The following JMJD1C variants were observed in gnomAD, a reference collection of about 807,000 sequenced individuals.
JMJD1C encodes jumonji domain containing 1C, also known as jumonji domain-containing protein 1C.
A neutral mutation model predicts 245.3 loss-of-function variants in JMJD1C; 31 were observed. The ratio of observed to expected loss-of-function variants is 0.13; its 90% CI spans 0.09 to 0.17. JMJD1C has a LOEUF of 0.17. Ranked by LOEUF, JMJD1C falls within the 10% of genes least tolerant of loss-of-function variation. The pLI, the probability that JMJD1C is intolerant of heterozygous loss-of-function variation, is 1.00. For synonymous variants in JMJD1C, 1,057 were observed against 1,017.4 expected (o/e 1.04, Z -0.74); for missense variants, 2,691 against 3,000.2 (o/e 0.90, Z 2.41).
intron 23 of JMJD1C, chr10:63,177,066 G>C (rs926969845): frequency 6.6e-6 from 1 of 152,544 alleles, no homozygotes; most frequent in African/African-American, 2.4e-5. Flanking sequence ...ACTTCACATT[G>C]ATCACAGACA....
intron 2 of JMJD1C, among the ~76,000 whole-genome samples, chr10:63,312,548 C>G (rs1939369548): frequency 6.6e-6 from 1 of 152,076 alleles, no homozygotes; most frequent in Non-Finnish European, 1.5e-5. Flanking sequence ...ATGAGGAAAT[C>G]TAAATAAAAA....
intron 1 of JMJD1C, among the ~76,000 whole-genome samples, chr10:63,515,441 AC>A (rs1165088312): frequency 6.6e-6 from 1 of 152,186 alleles, no homozygotes; most frequent in Admixed American, 6.5e-5. Flanking sequence ...TCACAAAACT[AC>A]GGGGGCTTCC....
At chr10:63,296,951 C>T (rs901658138) in intron 2 of JMJD1C, among the ~76,000 whole-genome samples, 4 of 152,104 alleles carry the variant, frequency 2.6e-5, no homozygotes, top group South Asian at 2.1e-4. Context: ...CACATTTCTT[C>T]AAAGTACCTG....
chr10:63,190,857 A>G (rs747051701), intron 17 of JMJD1C, 37 bp downstream of exon 17: 1 of 1,515,324 alleles, frequency 6.6e-7, no homozygotes, highest in Admixed American at 1.7e-5. Context: ...TCTCTATTTA[A>G]GGCCCACATT....
chr10:63,182,420 G>A (rs1033019794), intron 22 of JMJD1C, among the ~76,000 whole-genome samples: 1 of 152,164 alleles, frequency 6.6e-6, no homozygotes, highest in Admixed American at 6.5e-5. Flanking sequence ...AGTAGCAATA[G>A]TAAATTTCAG....
chr10:63,184,355 G>C (rs1436765767), intron 21 of JMJD1C, among the ~76,000 whole-genome samples: 1 of 150,790 alleles, frequency 6.6e-6, no homozygotes, highest in African/African-American at 2.4e-5. Flanking sequence ...TAATTCTCCT[G>C]CCTCAGCCTC....
In JMJD1C at chr10:63,208,420, T is replaced by C. The variant is rs1465506463; in HGVS notation, c.3249A>G (p.Ser1083=). The C allele has an allele frequency of 6.2e-7, 1 of 1,614,098 alleles. No homozygotes were observed. The highest frequency in any genetic ancestry group is 1.7e-5 in the Admixed American group (1 of 60,028). ...SVSDLYKMKH[S]VPQSLPQSNY... ...TACTTTGGGGTAAACTCTGAGGCAC[T>C]GAGTGCTTCATTTTATAAAGATCTG... Residue 1083 remains serine, a synonymous_variant, in exon 10 of 26, where the codon TCA becomes TCG. Transcript: ENST00000399262.
chr10:63,258,479 C>T (rs1273975360), intron 3 of JMJD1C, among the ~76,000 whole-genome samples: 4 of 152,208 alleles, frequency 2.6e-5, no homozygotes, highest in Non-Finnish European at 4.4e-5. Context: ...TGACCCCACA[C>T]CATGTGTATC....
At chr10:63,187,867 T>A (rs1004658695) in intron 18 of JMJD1C, among the ~76,000 whole-genome samples, 4 of 152,196 alleles carry the variant, frequency 2.6e-5, no homozygotes, top group African/African-American at 9.7e-5. Context: ...ATTAAAACTA[T>A]CACCTAGAGT....
In JMJD1C at chr10:63,170,843, T is replaced by C. The variant is rs192711321; in HGVS notation, c.7402-2277A>G. ...ACAACTCAGCTTCTCATTCTGATTA[T>C]CCCTTTTCTTTGCCACATTTGACTC... On this transcript the variant is annotated intron_variant, in intron 24 of 25. Transcript: ENST00000399262. 3.2e-4 allele frequency among the ~76,000 whole-genome samples: 48 copies of C among 152,348 alleles called. No homozygotes were observed. In the East Asian group the frequency reaches 8.1e-3, roughly 26 times the overall value.
chr10:63,514,586 A>T (rs1954962116), intron 1 of JMJD1C, among the ~76,000 whole-genome samples: 1 of 152,042 alleles, frequency 6.6e-6, no homozygotes, highest in African/African-American at 2.4e-5. Flanking sequence ...CTGGGTACTC[A>T]CTGACATAAT....
chr10:63,512,643 A>G (rs1377019563), intron 1 of JMJD1C, among the ~76,000 whole-genome samples: 3 of 151,984 alleles, frequency 2.0e-5, no homozygotes, highest in Non-Finnish European at 4.4e-5. Context: ...GATTTTCTGA[A>G]GTTTGAATAT....
In JMJD1C at chr10:63,392,467, C is replaced by T. The variant is rs537802914; in HGVS notation, c.169-11985G>A. On this transcript the variant is annotated intron_variant, in intron 1 of 25. Coordinates refer to ENST00000399262, the MANE Select transcript of JMJD1C (RefSeq NM_032776.3). ...AAGAAAGTATTTGCAAGCTACTCATCGCACAAGTGACTAATAATTCAGAAT... is the reference window on the plus strand; with the variant it reads ...AAGAAAGTATTTGCAAGCTACTCATTGCACAAGTGACTAATAATTCAGAAT... Among the ~76,000 whole-genome samples the T allele has an allele frequency of 3.9e-5, 6 of 152,116 alleles. No individual in the cohort carries two copies. The East Asian group carries it at 5.8e-4, about 15-fold the overall frequency.
In JMJD1C at chr10:63,213,618, G is replaced by A; in HGVS notation, c.2549C>T (p.Pro850Leu). The change falls in exon 8 of 26, where the codon CCT (proline) becomes CTT (leucine). Residue 850 changes from proline (P) to leucine (L), a missense_variant. Transcript: ENST00000399262. ...TCCAAGCTGATTATATGAAGCAGAA[G>A]GATGGGCTTGTCCAAGAAGATGAGG... is the stretch of plus-strand genomic sequence containing the variant. ...QSPHLLGQAH[P>L]SASYNQLGLY... 6.2e-7 allele frequency: 1 copy of A among 1,614,188 alleles called. No individual in the cohort carries two copies. The highest frequency in any genetic ancestry group is 8.5e-7 in the Non-Finnish European group (1 of 1,180,000).
At chr10:63,393,043 G>A (rs886087960) in intron 1 of JMJD1C, among the ~76,000 whole-genome samples, 13 of 152,084 alleles carry the variant, frequency 8.5e-5, no homozygotes, top group Non-Finnish European at 1.8e-4. Context: ...AAGTTAGGGA[G>A]ATCACCTGCG....
upstream of JMJD1C, among the ~76,000 whole-genome samples, chr10:63,467,639 G>A (rs2133138079): frequency 6.6e-6 from 1 of 152,362 alleles, no homozygotes; most frequent in African/African-American, 2.4e-5. Context: ...CACTTTTTCA[G>A]TGTACACTGT....
intron 1 of JMJD1C, among the ~76,000 whole-genome samples, chr10:63,381,439 G>A (rs565911716): frequency 6.6e-6 from 1 of 152,296 alleles, no homozygotes; most frequent in African/African-American, 2.4e-5. Flanking sequence ...CTTGAGCCCA[G>A]GAATTTGAGG....
chr10:63,222,735 G>A, intron 3 of JMJD1C: 1 of 1,534,662 alleles, frequency 6.5e-7, no homozygotes, highest in Non-Finnish European at 9.0e-7. Flanking sequence ...CTTTATATAG[G>A]ATTTAATGGT....
rs796667283 is a variant in JMJD1C at position 63,223,250 on chromosome 10, A to G, written c.448-3267T>C. Among the ~76,000 whole-genome samples the G allele has an allele frequency of 1.1e-4, 14 of 132,066 alleles. 1 individual carries two copies. The highest frequency in any genetic ancestry group is 4.0e-4 in the African/African-American group (14 of 34,692). 86.6% of individuals were successfully genotyped at this position (132,066 alleles called of 152,430 possible). On this transcript the variant is annotated intron_variant, in intron 3 of 25. Transcript: ENST00000399262. The stretch of plus-strand genomic sequence containing the variant: ...TGCTGTTTTTTTTTTTTTTTTTCTG[A>G]GACACAGTCTCACTCTCCCAGCCCG...
Sources: gnomAD v4.1 joint callset for allele counts (sites outside exome capture counted in the v4.1 genomes callset) on GRCh38, gnomAD v4.1.1 for gene constraint, MANE v1.5 for transcripts, NCBI Gene and HGNC (gene_info 2026-07-23, HGNC 2026-07-21) for gene names.